Variants in HDX observed in about 807,000 individuals in gnomAD.
The protein encoded by HDX is highly divergent homeobox, also known as chromosome X open reading frame 43.
Under a neutral mutation model 45.2 loss-of-function variants are expected in HDX, and 19 were observed. That is an observed-to-expected ratio of 0.42 (90% CI 0.29 to 0.62). The LOEUF (loss-of-function observed/expected upper bound fraction) is 0.62. Among genes scored for constraint, HDX ranks in the 20% least tolerant of loss-of-function variants. The pLI is 0.20. For missense variants in HDX, 532 were observed against 493.9 expected (o/e 1.08, Z -0.73); for synonymous variants, 188 against 172.8 (o/e 1.09, Z -0.69).
intron 5 of HDX, among the ~76,000 whole-genome samples, chrX:84,398,883 C>T (rs2038630663): frequency 9.0e-6 from 1 of 111,643 alleles, no homozygotes; most frequent in African/African-American, 3.3e-5. Context: ...GACCACAGTA[C>T]AACAAAACTA....
chrX:84,330,967 A>G (rs1050711521), intron 9 of HDX, among the ~76,000 whole-genome samples: 1 of 111,572 alleles, frequency 9.0e-6, no homozygotes, highest in African/African-American at 3.2e-5. Context: ...AATATCATAA[A>G]ACAAGATCTA....
Position 84,326,200 on chromosome X carries a change from G to A in HDX, c.1925C>T (p.Ala642Val). The A allele has an allele frequency of 2.5e-6, 3 of 1,206,151 alleles. No individual in the cohort carries two copies. The highest frequency in any genetic ancestry group is 3.4e-6 in the Non-Finnish European group (3 of 890,984). Residue 642 changes from alanine (A) to valine (V), a missense_variant, in exon 10 of 11, where the codon GCT becomes GTT. Around this residue, in one of 3 missense-constraint regions of HDX, gnomAD observed 151 missense variants for 131.8 expected, o/e 1.15. Coordinates refer to ENST00000373177, the MANE Select transcript of HDX (RefSeq NM_001177479.2). ...FVRSLILAMK[A>V]DDKEQQQALL... ...TACCTGCTGTTGTTCCTTATCATCAGCTTTCATTGCTAATATCAAGCTTCT... is the reference window on the plus strand; with the variant it reads ...TACCTGCTGTTGTTCCTTATCATCAACTTTCATTGCTAATATCAAGCTTCT...
At chrX:84,404,447 T>C (rs950699660) in intron 5 of HDX, among the ~76,000 whole-genome samples, 2 of 111,499 alleles carry the variant, frequency 1.8e-5, no homozygotes, top group African/African-American at 6.5e-5. Flanking sequence ...TTTTGTCCAA[T>C]AATTGAATTA....
chrX:84,431,846 TC>T (rs2039513595), intron 5 of HDX, among the ~76,000 whole-genome samples: 2 of 111,416 alleles, frequency 1.8e-5, no homozygotes, highest in African/African-American at 6.5e-5. Flanking sequence ...TTTAATTTGG[TC>T]CCATTTGTTA....
At chrX:84,395,453 G>A (rs1189454212) in intron 5 of HDX, among the ~76,000 whole-genome samples, 4 of 109,840 alleles carry the variant, frequency 3.6e-5, no homozygotes, top group African/African-American at 9.9e-5. Context: ...AGTGAAATGC[G>A]GGTTCATTTA....
rs773413801 is a variant in HDX, at chrX:84,368,463, A to G, written c.1306-6851T>C. 2.5e-3 allele frequency among the ~76,000 whole-genome samples: 279 copies of G among 111,840 alleles called. 2 individuals carry two copies. The highest frequency in any genetic ancestry group is 8.8e-3 in the African/African-American group (271 of 30,833). Reference sequence around the variant, plus strand: ...CAATTTATTTATTAACACAGTTTCTATCTCCAGTGAAAATGGCTTGTTAAC... The same window carrying G: ...CAATTTATTTATTAACACAGTTTCTGTCTCCAGTGAAAATGGCTTGTTAAC... On this transcript the variant is annotated intron_variant, in intron 5 of 10. Transcript: ENST00000373177.
chrX:84,323,581 T>G (rs1218449053), intron 10 of HDX, among the ~76,000 whole-genome samples: 1 of 111,885 alleles, frequency 8.9e-6, no homozygotes, highest in Non-Finnish European at 1.9e-5. Flanking sequence ...TATTATTTAT[T>G]TCTTTGTTAC....
At chrX:84,403,959 A>C (rs1307392972) in intron 5 of HDX, 1 of 111,339 alleles carries the variant, frequency 9.0e-6, no homozygotes, top group East Asian at 2.8e-4. Flanking sequence ...CGGGTCAGGC[A>C]TCTGGTGAGT....
At chrX:84,450,105 T>TA (rs138310040) in intron 4 of HDX, among the ~76,000 whole-genome samples, 48,898 of 105,520 alleles carry the variant, frequency 0.46, 8,809 homozygotes, top group Middle Eastern at 0.66. Context: ...TAAAGTATAA[T>TA]AAAAAAAAAG....
intron 4 of HDX, among the ~76,000 whole-genome samples, chrX:84,451,154 T>C (rs2039987592): frequency 9.1e-6 from 1 of 110,348 alleles, no homozygotes; most frequent in Non-Finnish European, 1.9e-5. Context: ...ACAAAATTAA[T>C]AGAAATAAAG....
intron 5 of HDX, among the ~76,000 whole-genome samples, chrX:84,387,571 A>G (rs890488418): frequency 1.1e-4 from 12 of 111,939 alleles, no homozygotes; most frequent in African/African-American, 3.9e-4. Flanking sequence ...TCAATATGTT[A>G]TGCCCATCAT....
At chrX:84,437,662 C>A (rs563783335) in intron 5 of HDX, among the ~76,000 whole-genome samples, 1 of 110,735 alleles carries the variant, frequency 9.0e-6, no homozygotes, top group Non-Finnish European at 1.9e-5. Flanking sequence ...GAGATACCTA[C>A]CCCCATTGGT....
At chrX:84,409,744 G>T (rs1415262666) in intron 5 of HDX, among the ~76,000 whole-genome samples, 3 of 79,942 alleles carry the variant, frequency 3.8e-5, no homozygotes, top group East Asian at 1.0e-3. Flanking sequence ...GAGGGGGAGG[G>T]ATAGCATTAG....
At chrX:84,337,938 A>G (rs903635796) in intron 7 of HDX, among the ~76,000 whole-genome samples, 3 of 111,116 alleles carry the variant, frequency 2.7e-5, no homozygotes, top group African/African-American at 9.8e-5. Flanking sequence ...CAGCCCCTTA[A>G]AAAAACAAGG....
chrX:84,353,729 T>C (rs975189461), intron 6 of HDX, among the ~76,000 whole-genome samples: 2 of 111,500 alleles, frequency 1.8e-5, no homozygotes, highest in Admixed American at 1.9e-4. Context: ...ATATAGACTG[T>C]TAAGAAGATC....
rs187204792 is a variant in HDX, at chrX:84,383,003, A to T, written c.1306-21391T>A. Among the ~76,000 whole-genome samples, 371 of 111,361 alleles carry T rather than the reference A, an allele frequency of 3.3e-3. 1 individual carries two copies. Among genetic ancestry groups the T allele is most frequent in the African/African-American group, 0.011 (348 of 30,736 alleles). On this transcript the variant is annotated intron_variant, in intron 5 of 10. Coordinates refer to ENST00000373177, the MANE Select transcript of HDX (RefSeq NM_001177479.2). ...TACTATGTACCCTCAAAAATTAAAT[A>T]TAAAAAAAATTCTTGAGTTTTAAAA...
intron 5 of HDX, among the ~76,000 whole-genome samples, chrX:84,372,515 T>G (rs1204931099): frequency 8.9e-6 from 1 of 112,233 alleles, no homozygotes; most frequent in African/African-American, 3.2e-5. Context: ...CTAAAACTGA[T>G]GTTTGACCAA....
At chrX:84,431,323 T>C (rs1602442958) in intron 5 of HDX, among the ~76,000 whole-genome samples, 1 of 111,177 alleles carries the variant, frequency 9.0e-6, no homozygotes, top group East Asian at 2.8e-4. Context: ...CACATGCATG[T>C]GTCTTTATAG....
At chrX:84,410,406 G>T (rs1057279681) in intron 5 of HDX, among the ~76,000 whole-genome samples, 1 of 111,331 alleles carries the variant, frequency 9.0e-6, no homozygotes, top group East Asian at 2.8e-4. Flanking sequence ...CTATTGAAAT[G>T]GTTATATGGA....
Sources: gnomAD v4.1 joint callset for allele counts (sites outside exome capture counted in the v4.1 genomes callset) on GRCh38, gnomAD v4.1.1 for gene constraint, gnomAD v4.1.1 regional missense constraint, MANE v1.5 for transcripts, NCBI Gene and HGNC (gene_info 2026-07-23, HGNC 2026-07-21) for gene names.